Variants in VCP observed in about 807,000 individuals in gnomAD.
The protein encoded by VCP is valosin containing protein.
Under a neutral mutation model 85.7 loss-of-function variants are expected in VCP, and 6 were observed. That is an observed-to-expected ratio of 0.07 (90% CI 0.04 to 0.14). The LOEUF is 0.14. VCP is among the 10% of genes least tolerant of loss of function. VCP has a pLI of 1.00. For missense variants in VCP, 353 were observed against 1,043.4 expected, an observed-to-expected ratio of 0.34 and a Z score of 9.12; for synonymous variants, 384 against 367.1, an observed-to-expected ratio of 1.05 and a Z score of -0.53.
At chr9:35,058,745 C>A (rs1828661404) in intron 15 of VCP, among the ~76,000 whole-genome samples, 2 of 151,438 alleles carry the variant, frequency 1.3e-5, no homozygotes, top group South Asian at 2.1e-4. Context: ...CCAGTCTGGG[C>A]AACAGAGTGA....
intron 3 of VCP, among the ~76,000 whole-genome samples, chr9:35,067,444 T>A (rs570334452): frequency 1.3e-5 from 2 of 152,212 alleles, no homozygotes; most frequent in East Asian, 3.9e-4. Flanking sequence ...CCGGGTTAAC[T>A]TAGGGGCTTA....
intron 15 of VCP, 48 bp from the exon 16 acceptor site, chr9:35,057,578 G>A: frequency 6.2e-7 from 1 of 1,600,644 alleles, no homozygotes; most frequent in Non-Finnish European, 8.5e-7. Context: ...AGCCCAGCCT[G>A]GATTTCATCC....
chr9:35,068,210 T>C (rs1563981146), intron 2 of VCP, 41 bp downstream of exon 2: 5 of 1,607,450 alleles, frequency 3.1e-6, no homozygotes, highest in Non-Finnish European at 4.3e-6. Context: ...ATCCCTCAAG[T>C]AAGTGCAGTA....
chr9:35,057,747 C>T, intron 15 of VCP: 2 of 633,414 alleles, frequency 3.2e-6, no homozygotes, highest in East Asian at 2.8e-5. Flanking sequence ...GAAATCACAT[C>T]AGTGATGGGG....
chr9:35,057,553 AC>A, intron 15 of VCP, 23 bp from the exon 16 acceptor site: 2 of 1,604,590 alleles, frequency 1.2e-6, no homozygotes, highest in Non-Finnish European at 1.7e-6. Flanking sequence ...AACACAGATC[AC>A]TAGGGCTAGT....
chr9:35,068,448 G>T, intron 1 of VCP, 86 bp from the exon 2 acceptor site: 1 of 1,195,798 alleles, frequency 8.4e-7, no homozygotes, highest in Non-Finnish European at 1.2e-6. Flanking sequence ...AAGAAACAGT[G>T]AATAGATGAA....
At chr9:35,068,485 T>C (rs1828877320) in intron 1 of VCP, 123 bp from the exon 2 acceptor site, 1 of 920,420 alleles carries the variant, frequency 1.1e-6, no homozygotes, top group African/African-American at 1.6e-5. Context: ...AAAGCTCAGA[T>C]GAAGGAAAGG....
chr9:35,068,071 AAG>A lies in VCP; in HGVS notation c.130-10_130-9del. On this transcript the variant is annotated splice_polypyrimidine_tract_variant and intron_variant, in intron 2 of 16. Transcript: ENST00000358901. ...CAATTCATCCATCTTGGGCTGAGGA[AAG>A]AAAGTTAAGGCCTTTGGGTCATTGG... 6.2e-7 allele frequency: 1 copy of A among 1,614,224 alleles called. No homozygotes were observed. The highest frequency in any genetic ancestry group is 8.5e-7 in the Non-Finnish European group (1 of 1,180,048).
rs775348132 is a variant in VCP, at chr9:35,066,775, A to G, written c.345T>C (p.His115=). The change falls in exon 4 of 17, where the codon CAT becomes CAC. Residue 115 remains histidine (H), a synonymous_variant. Transcript: ENST00000358901. The part of the protein sequence containing the change: ...CPDVKYGKRI[H]VLPIDDTVEG... ...CCACTGTGTCATCAATGGGCAGCAC[A>G]TGGATACGTTTGCCGTACTTCACAT... 20 of 1,614,090 alleles carry G rather than the reference A, an allele frequency of 1.2e-5. No individual in the cohort carries two copies. In the East Asian group the frequency reaches 2.7e-4, roughly 22 times the overall value.
At position 35,062,274 on chromosome 9, in the gene VCP, A is replaced by G. The variant is rs921092914; in HGVS notation, c.888T>C (p.Asn296=). The change falls in exon 8 of 17, where the codon AAT becomes AAC. Residue 296 remains asparagine, a synonymous_variant. Transcript: ENST00000358901. ...CATCAATGAAGATGATGGCAGGAGC[A>G]TTCTTCTCAGCCTCCTCAAAGGCTT... The part of the protein sequence containing the change: ...LRKAFEEAEK[N]APAIIFIDEL... 3.1e-6 allele frequency: 5 copies of G among 1,614,086 alleles called. No homozygotes were observed. The highest frequency in any genetic ancestry group is 1.6e-4 in the Middle Eastern group (1 of 6,084).
chr9:35,068,132 G>A, intron 2 of VCP, 69 bp from the exon 3 acceptor site: 2 of 1,610,708 alleles, frequency 1.2e-6, no homozygotes, highest in Non-Finnish European at 1.7e-6. Context: ...CCTGGAGATT[G>A]GGATTCCCAG....
At chr9:35,071,294 T>G (rs893241391) in intron 1 of VCP, among the ~76,000 whole-genome samples, 16 of 6,020 alleles carry the variant, frequency 2.7e-3, no homozygotes, top group Non-Finnish European at 0.01. Context: ...GCTGGCTGTG[T>G]TTTTTTTTTT....
At chr9:35,062,837 T>C in intron 7 of VCP, 141 bp downstream of exon 7, 1 of 840,214 alleles carries the variant, frequency 1.2e-6, no homozygotes, top group Admixed American at 1.8e-5. Flanking sequence ...CTTCTGTCTG[T>C]AACATACCCC....
intron 7 of VCP, 76 bp downstream of exon 7, chr9:35,062,902 G>A: frequency 1.4e-6 from 2 of 1,402,164 alleles, no homozygotes; most frequent in South Asian, 1.2e-5. Flanking sequence ...AAAAGGATGT[G>A]TTCATAAGTG....
chr9:35,060,538 G>A lies in VCP; in HGVS notation c.1483-13C>T. The A allele has an allele frequency of 1.2e-6, 2 of 1,613,210 alleles. No homozygotes were observed. Among genetic ancestry groups the A allele is most frequent in the Non-Finnish European group, 1.7e-6 (2 of 1,179,546 alleles). On this transcript the variant is annotated splice_polypyrimidine_tract_variant and intron_variant, in intron 12 of 16. Coordinates refer to ENST00000358901, the MANE Select transcript of VCP (RefSeq NM_007126.5). ...GCTCCACAGGATACTAGGAGGAAAA[G>A]GAAAGAGGGTTCAAGGCTACCTCCA...
At chr9:35,060,559 C>T in intron 12 of VCP, 34 bp from the exon 13 acceptor site, 1 of 1,605,984 alleles carries the variant, frequency 6.2e-7, no homozygotes, top group Non-Finnish European at 8.5e-7. Context: ...TCAAGGCTAC[C>T]TCCACATTTT....
intron 3 of VCP, among the ~76,000 whole-genome samples, 185 bp downstream of exon 3, chr9:35,067,706 A>C (rs1828860014): frequency 6.6e-6 from 1 of 152,214 alleles, no homozygotes; most frequent in Admixed American, 6.5e-5. Context: ...ATGGATTTTG[A>C]AGTCCCAGGG....
intron 6 of VCP, among the ~76,000 whole-genome samples, chr9:35,063,836 G>A (rs1241238678): frequency 1.3e-5 from 2 of 152,186 alleles, no homozygotes; most frequent in African/African-American, 2.4e-5. Flanking sequence ...AAACTATGGT[G>A]AGATTTGTTT....
chr9:35,068,137 T>C, intron 2 of VCP, 74 bp from the exon 3 acceptor site: 1 of 1,610,732 alleles, frequency 6.2e-7, no homozygotes, highest in South Asian at 1.1e-5. Flanking sequence ...AGATTGGGAT[T>C]CCCAGTAAAC....
Sources: gnomAD v4.1 joint callset for allele counts (sites outside exome capture counted in the v4.1 genomes callset) on GRCh38, gnomAD v4.1.1 for gene constraint, MANE v1.5 for transcripts, NCBI Gene and HGNC (gene_info 2026-07-23, HGNC 2026-07-21) for gene names.